Variants in PDGFRA observed in about 807,000 individuals in gnomAD.
The protein encoded by PDGFRA is platelet derived growth factor receptor alpha.
PDGFRA carries 25 observed loss-of-function variants against 121.5 expected under a neutral mutation model. That is an observed-to-expected ratio of 0.21 (90% CI 0.15 to 0.29). PDGFRA has a LOEUF of 0.29. Among genes scored for constraint, PDGFRA ranks in the 10% least tolerant of loss-of-function variants. PDGFRA has a pLI of 1.00. For synonymous variants in PDGFRA, 463 were observed against 494.8 expected, an observed-to-expected ratio of 0.94 and a Z score of 0.85; for missense variants, 1,008 against 1,345.1, an observed-to-expected ratio of 0.75 and a Z score of 3.92.
At chr4:54,258,389 AGTGTGACC>A (rs535772034) in intron 1 of PDGFRA, among the ~76,000 whole-genome samples, 197 of 152,278 alleles carry the variant, frequency 1.3e-3, no homozygotes, top group African/African-American at 4.6e-3. Flanking sequence ...AGTTGTAGAG[AGTGTGACC>A]TCTTTATTAA....
rs2110251793 is a variant in PDGFRA at position 54,263,766 on chromosome 4, A to T, written c.467A>T (p.Glu156Val). 1 of 1,614,084 alleles carries T rather than the reference A, an allele frequency of 6.2e-7. No homozygotes were observed. Among genetic ancestry groups the T allele is most frequent in the African/African-American group, 1.3e-5 (1 of 75,022 alleles). ...AIIPCRTTDP[E>V]TPVTLHNSEG... Reference sequence around the variant, plus strand: ...ATACCTTGTCGCACAACTGATCCCGAGACTCCTGTAACCTTACACAACAGT... The same window carrying T: ...ATACCTTGTCGCACAACTGATCCCGTGACTCCTGTAACCTTACACAACAGT... The change falls in exon 4 of 23, where the codon GAG becomes GTG. Residue 156 changes from glutamate (E) to valine (V), a missense_variant. Physicochemically the swap from Glu to Val is moderately radical, Grantham distance 121. Around this residue, in one of 5 missense-constraint regions of PDGFRA, gnomAD observed 575 missense variants for 701.8 expected, o/e 0.82. Coordinates refer to ENST00000257290, the MANE Select transcript of PDGFRA (RefSeq NM_006206.6).
At chr4:54,232,204 G>T (rs982097185) in intron 1 of PDGFRA, among the ~76,000 whole-genome samples, 1 of 151,786 alleles carries the variant, frequency 6.6e-6, no homozygotes, top group African/African-American at 2.4e-5. Flanking sequence ...GGTCTAACTC[G>T]CCGGGTCCAA....
At position 54,288,917 on chromosome 4, in the gene PDGFRA, C is replaced by A. The variant is rs369660221; in HGVS notation, c.2774+19C>A. The stretch of plus-strand genomic sequence containing the variant: ...GTGAAGTGTGAGCTCCTTCCCCATC[C>A]CGGGGGCCTGTGTTCACAGTCTGTG... On this transcript the variant is annotated intron_variant, in intron 20 of 22. Coordinates refer to ENST00000257290, the MANE Select transcript of PDGFRA (RefSeq NM_006206.6). 5.1e-6 allele frequency: 8 copies of A among 1,567,120 alleles called. No individual in the cohort carries two copies. The African/African-American group carries it at 9.5e-5, about 19-fold the overall frequency.
At chr4:54,269,984 G>C (rs754400118) in intron 7 of PDGFRA, among the ~76,000 whole-genome samples, 1 of 151,848 alleles carries the variant, frequency 6.6e-6, no homozygotes, top group South Asian at 2.1e-4. Context: ...ATAGAATCCC[G>C]TGCTTGAAAA....
At chr4:54,242,733 T>TATTAGAGGAC (rs1366970139) in intron 1 of PDGFRA, among the ~76,000 whole-genome samples, 2 of 152,110 alleles carry the variant, frequency 1.3e-5, no homozygotes, top group Admixed American at 6.6e-5. Flanking sequence ...TTAATGACCA[T>TATTAGAGGAC]ATTAGAGGAC....
intron 16 of PDGFRA, among the ~76,000 whole-genome samples, chr4:54,284,464 T>C (rs1724211710): frequency 6.6e-6 from 1 of 151,970 alleles, no homozygotes. Context: ...TATACAGGCA[T>C]TTGCTTCTGG....
chr4:54,269,083 C>T (rs902685373), intron 7 of PDGFRA, among the ~76,000 whole-genome samples: 2 of 151,964 alleles, frequency 1.3e-5, no homozygotes, highest in Non-Finnish European at 2.9e-5. Flanking sequence ...GCAAGAAAAC[C>T]AGTGGTTTTC....
At chr4:54,239,958 C>G (rs1366772028) in intron 1 of PDGFRA, 2 of 251,132 alleles carry the variant, frequency 8.0e-6, no homozygotes, top group Non-Finnish European at 1.7e-5. Flanking sequence ...TCAAGTGATC[C>G]TTCCACCTCA....
chr4:54,280,288 G>A (rs2110322933), intron 15 of PDGFRA, 28 bp from the exon 16 acceptor site: 2 of 1,605,324 alleles, frequency 1.2e-6, no homozygotes, highest in Non-Finnish European at 1.7e-6. Flanking sequence ...GGGCACCCTG[G>A]GTAAGATTTC....
intron 15 of PDGFRA, among the ~76,000 whole-genome samples, chr4:54,279,558 T>A (rs918939221): frequency 3.9e-5 from 6 of 152,278 alleles, no homozygotes; most frequent in Non-Finnish European, 7.4e-5. Flanking sequence ...ATTTAAAAAA[T>A]TTTTTTATTT....
chr4:54,280,535 T>G, intron 16 of PDGFRA, 53 bp downstream of exon 16: 1 of 1,433,652 alleles, frequency 7.0e-7, no homozygotes, highest in Non-Finnish European at 9.8e-7. Flanking sequence ...TGGTTTAATA[T>G]GATACTTAAA....
chr4:54,263,390 GC>G (rs1244770957), intron 3 of PDGFRA, among the ~76,000 whole-genome samples: 1 of 152,076 alleles, frequency 6.6e-6, no homozygotes, highest in Non-Finnish European at 1.5e-5. Flanking sequence ...TTCCCAAAGT[GC>G]TGGGATTACA....
chr4:54,281,498 A>C, intron 16 of PDGFRA: 1 of 966,044 alleles, frequency 1.0e-6, no homozygotes, highest in African/African-American at 1.7e-5. Flanking sequence ...AGCGCTTTTA[A>C]AAGATTAGCC....
intron 1 of PDGFRA, among the ~76,000 whole-genome samples, chr4:54,238,046 T>A (rs781353280): frequency 1.2e-3 from 176 of 152,360 alleles, no homozygotes; most frequent in South Asian, 4.1e-4. Context: ...ATCACAGGGT[T>A]ATTCTTCACA....
chr4:54,286,963 A>G (rs1262129991), intron 18 of PDGFRA, among the ~76,000 whole-genome samples: 2 of 152,156 alleles, frequency 1.3e-5, no homozygotes, highest in African/African-American at 2.4e-5. Context: ...TGGATGTGAG[A>G]CAGCTTATGG....
At chr4:54,277,107 C>G (rs1044928426) in intron 12 of PDGFRA, 14 of 478,374 alleles carry the variant, frequency 2.9e-5, no homozygotes, top group African/African-American at 2.6e-4. Context: ...CAGCACGGAG[C>G]TGGTAGACAG....
chr4:54,281,910 T>C, intron 16 of PDGFRA: 1 of 1,154,110 alleles, frequency 8.7e-7, no homozygotes, highest in Non-Finnish European at 1.1e-6. Context: ...GTTGATTTTA[T>C]TAACAAATTA....
At chr4:54,244,357 C>T (rs967536603) in intron 1 of PDGFRA, among the ~76,000 whole-genome samples, 6 of 152,198 alleles carry the variant, frequency 3.9e-5, no homozygotes, top group Non-Finnish European at 8.8e-5. Flanking sequence ...CCGGGTACTC[C>T]TCTGAGACAA....
At chr4:54,285,992 G>A (rs2110338590) in intron 18 of PDGFRA, 29 bp downstream of exon 18, 1 of 1,610,636 alleles carries the variant, frequency 6.2e-7, no homozygotes, top group Non-Finnish European at 8.5e-7. Flanking sequence ...CACTGGTCAG[G>A]CTCATCCTCC....
Sources: gnomAD v4.1 joint callset for allele counts (sites outside exome capture counted in the v4.1 genomes callset) on GRCh38, gnomAD v4.1.1 for gene constraint, gnomAD v4.1.1 regional missense constraint, MANE v1.5 for transcripts, NCBI Gene and HGNC (gene_info 2026-07-23, HGNC 2026-07-21) for gene names.